The following DIP2C variants were observed in gnomAD, a reference collection of about 807,000 sequenced individuals.
DIP2C encodes the protein disco-interacting protein 2 homolog C.
A neutral mutation model predicts 192.4 loss-of-function variants in DIP2C; 33 were observed. That is an observed-to-expected ratio of 0.17 (90% CI 0.13 to 0.23). The LOEUF is 0.23. Ranked by LOEUF, DIP2C falls within the 10% of genes least tolerant of loss-of-function variation. The pLI is 1.00. For missense variants in DIP2C, 1,537 were observed against 2,110.1 expected, an observed-to-expected ratio of 0.73 and a Z score of 5.32; for synonymous variants, 979 against 864.1, an observed-to-expected ratio of 1.13 and a Z score of -2.33.
At chr10:312,638 G>A (rs1269014971) in intron 31 of DIP2C, among the ~76,000 whole-genome samples, 3 of 152,140 alleles carry the variant, frequency 2.0e-5, no homozygotes, top group Non-Finnish European at 4.4e-5. Flanking sequence ...AGAAAATCAC[G>A]ATTCCACTCT....
intron 1 of DIP2C, among the ~76,000 whole-genome samples, chr10:545,752 G>C (rs893843168): frequency 9.2e-5 from 14 of 152,176 alleles, no homozygotes; most frequent in African/African-American, 2.7e-4. Flanking sequence ...CTATTTTTTT[G>C]TGTAGGGTGA....
intron 1 of DIP2C, among the ~76,000 whole-genome samples, chr10:545,640 GAT>G (rs1440406487): frequency 6.6e-6 from 1 of 152,178 alleles, no homozygotes; most frequent in East Asian, 1.9e-4. Flanking sequence ...AAGGAAATAA[GAT>G]GCTGTTTAAG....
intron 1 of DIP2C, among the ~76,000 whole-genome samples, chr10:683,421 A>G (rs1378411163): frequency 2.6e-5 from 4 of 152,204 alleles, no homozygotes; most frequent in Admixed American, 6.5e-5. Flanking sequence ...TTGGCACAAT[A>G]GTCATAAACC....
At chr10:288,707 A>C (rs548999860) in intron 32 of DIP2C, among the ~76,000 whole-genome samples, 5 of 152,308 alleles carry the variant, frequency 3.3e-5, no homozygotes, top group African/African-American at 1.2e-4. Flanking sequence ...TAGCATTTTC[A>C]GAAAAGGAAA....
chr10:447,460 C>T (rs1363569917), intron 3 of DIP2C, among the ~76,000 whole-genome samples: 16 of 150,302 alleles, frequency 1.1e-4, no homozygotes, highest in African/African-American at 3.9e-4. Flanking sequence ...GGCAGCAGGA[C>T]CCGCTCACTC....
intron 32 of DIP2C, among the ~76,000 whole-genome samples, chr10:295,730 G>A (rs1955722711): frequency 6.6e-6 from 1 of 151,694 alleles, no homozygotes; most frequent in African/African-American, 2.4e-5. Flanking sequence ...CCACTATGGA[G>A]AGCAGTATGA....
chr10:292,931 G>T (rs907623556), intron 32 of DIP2C, among the ~76,000 whole-genome samples: 2 of 152,150 alleles, frequency 1.3e-5, no homozygotes, highest in African/African-American at 4.8e-5. Flanking sequence ...GGCAGCACCC[G>T]CTAGCTGGCA....
chr10:596,864 T>C (rs1588555149), intron 1 of DIP2C, among the ~76,000 whole-genome samples: 1 of 152,196 alleles, frequency 6.6e-6, no homozygotes, highest in African/African-American at 2.4e-5. Context: ...AACCACACAA[T>C]GAGCTTTCAA....
At chr10:542,617 C>G (rs538541675) in intron 1 of DIP2C, among the ~76,000 whole-genome samples, 55 of 152,360 alleles carry the variant, frequency 3.6e-4, no homozygotes, top group African/African-American at 1.3e-3. Context: ...ATGGAGGGTT[C>G]TAACCCTGCC....
intron 17 of DIP2C, among the ~76,000 whole-genome samples, chr10:381,595 C>T (rs971079710): frequency 1.3e-5 from 2 of 152,234 alleles, no homozygotes; most frequent in African/African-American, 2.4e-5. Flanking sequence ...GCCGACCTGA[C>T]ATGCGTGCCC....
intron 36 of DIP2C, among the ~76,000 whole-genome samples, chr10:280,817 T>C (rs568740035): frequency 1.3e-5 from 2 of 152,246 alleles, no homozygotes; most frequent in Admixed American, 1.3e-4. Flanking sequence ...AGTTTTCCCA[T>C]GTCTCATGTT....
chr10:645,446 C>G (rs1218454548), intron 1 of DIP2C, among the ~76,000 whole-genome samples: 4 of 152,334 alleles, frequency 2.6e-5, no homozygotes, highest in East Asian at 1.9e-4. Flanking sequence ...TGCCTCCTCT[C>G]TGCTCCATCT....
chr10:506,884 G>A (rs116238531), intron 1 of DIP2C, among the ~76,000 whole-genome samples: 2,557 of 152,330 alleles, frequency 0.017, 77 homozygotes, highest in African/African-American at 0.058. Context: ...CACACACTGT[G>A]CACAGAGGTG....
At chr10:629,065 A>C (rs1854357980) in intron 1 of DIP2C, among the ~76,000 whole-genome samples, 1 of 152,150 alleles carries the variant, frequency 6.6e-6, no homozygotes, top group African/African-American at 2.4e-5. Flanking sequence ...CAAGTTAGAG[A>C]AGGGGCTGCC....
chr10:332,283 T>C (rs867599484), intron 29 of DIP2C, among the ~76,000 whole-genome samples: 1 of 152,206 alleles, frequency 6.6e-6, no homozygotes, highest in Non-Finnish European at 1.5e-5. Flanking sequence ...CATTAATGAT[T>C]TGCTCTGTCA....
chr10:662,261 G>C, intron 1 of DIP2C: 1 of 627,974 alleles, frequency 1.6e-6, no homozygotes, highest in Non-Finnish European at 2.9e-6. Context: ...TACTGTATGA[G>C]GTACCTATGC....
In DIP2C at chr10:317,020, G is replaced by A. The variant is rs1002350554; in HGVS notation, c.3925-6928C>T. On this transcript the variant is annotated intron_variant, in intron 31 of 36. Coordinates refer to ENST00000280886, the MANE Select transcript of DIP2C (RefSeq NM_014974.3). ...TAACCAGATTGTTCCGACGGTTATG[G>A]TTGGAACAAGAGTCTCTTGTGACTT... 2.6e-5 allele frequency among the ~76,000 whole-genome samples: 4 copies of A among 152,174 alleles called. No individual in the cohort carries two copies. In the South Asian group the frequency reaches 6.2e-4, roughly 24 times the overall value.
At chr10:386,003 C>T (rs2132913903) in intron 14 of DIP2C, among the ~76,000 whole-genome samples, 1 of 152,328 alleles carries the variant, frequency 6.6e-6, no homozygotes, top group South Asian at 2.1e-4. Context: ...TCGCACCTGC[C>T]AGGGCTGCCA....
intron 1 of DIP2C, among the ~76,000 whole-genome samples, chr10:552,012 A>G (rs1243153884): frequency 6.6e-6 from 1 of 152,202 alleles, no homozygotes; most frequent in African/African-American, 2.4e-5. Flanking sequence ...AGGGCTTCTC[A>G]AGTCTCTTCT....
Sources: gnomAD v4.1 joint callset for allele counts (sites outside exome capture counted in the v4.1 genomes callset) on GRCh38, gnomAD v4.1.1 for gene constraint, MANE v1.5 for transcripts, NCBI Gene and HGNC (gene_info 2026-07-23, HGNC 2026-07-21) for gene names.